Variants in EXOC6B observed in about 807,000 individuals in gnomAD.
EXOC6B encodes the protein exocyst complex component 6B, also known as SEC15 homolog B.
A neutral mutation model predicts 113.5 loss-of-function variants in EXOC6B; 54 were observed. That is an observed-to-expected ratio of 0.48 (90% CI 0.38 to 0.60). The LOEUF is 0.60. EXOC6B is among the 20% of genes least tolerant of loss of function. The pLI, the probability that EXOC6B is intolerant of heterozygous loss-of-function variation, is 0.00. For missense variants in EXOC6B, 797 were observed against 977.5 expected, an observed-to-expected ratio of 0.82 and a Z score of 2.46; for synonymous variants, 357 against 339.0, an observed-to-expected ratio of 1.05 and a Z score of -0.58.
Position 72,179,301 on chromosome 2 carries a change from C to A in EXOC6B, c.*34G>T. ...GGACCCCAGACTGACACAGAGGCTG[C>A]AGCAGGTCGCCTCTGTGGGTCCGGG... is the stretch of plus-strand genomic sequence containing the variant. On this transcript the variant is annotated 3_prime_UTR_variant, in exon 22 of 22. Transcript: ENST00000272427. The A allele has an allele frequency of 6.4e-7, 1 of 1,550,986 alleles. No homozygotes were observed. The highest frequency in any genetic ancestry group is 8.7e-7 in the Non-Finnish European group (1 of 1,147,854).
chr2:72,426,001 G>C (rs1421560219), intron 18 of EXOC6B, among the ~76,000 whole-genome samples: 1 of 152,026 alleles, frequency 6.6e-6, no homozygotes. Flanking sequence ...ACGTTTTCCT[G>C]GTATTTAGTA....
chr2:72,270,770 A>G (rs1684431356), intron 20 of EXOC6B, among the ~76,000 whole-genome samples: 1 of 151,996 alleles, frequency 6.6e-6, no homozygotes, highest in Admixed American at 6.6e-5. Flanking sequence ...TTTAATAATT[A>G]AATAATAATT....
rs576314359 is a variant in EXOC6B, at chr2:72,717,957, CAT to C, written c.669+144_669+145del. ...TTAAAAAAATGAAAACATTTTTAAT[CAT>C]ATGTTTCCATAAATATGAAGGACTT... On this transcript the variant is annotated intron_variant, in intron 6 of 21. Transcript: ENST00000272427. 5.1e-5 allele frequency: 29 copies of C among 569,480 alleles called. No individual in the cohort carries two copies. The East Asian group carries it at 8.2e-4, about 16-fold the overall frequency. 35.3% of individuals were successfully genotyped at this position (569,480 alleles called of 1,614,324 possible). A position where few individuals can be genotyped will look rare whatever the true frequency, so the allele number is the denominator to read the frequency against.
intron 20 of EXOC6B, among the ~76,000 whole-genome samples, chr2:72,216,802 CA>C (rs1680562825): frequency 6.6e-6 from 1 of 152,076 alleles, no homozygotes; most frequent in Non-Finnish European, 1.5e-5. Flanking sequence ...AACACAGGAA[CA>C]GAAAACCAAA....
At chr2:72,338,157 C>T (rs554521100) in intron 19 of EXOC6B, among the ~76,000 whole-genome samples, 7 of 152,288 alleles carry the variant, frequency 4.6e-5, no homozygotes, top group African/African-American at 1.7e-4. Context: ...TTTACTTAAC[C>T]TCTTTACACT....
chr2:72,700,451 C>G (rs545413535), intron 6 of EXOC6B, among the ~76,000 whole-genome samples: 1 of 152,224 alleles, frequency 6.6e-6, no homozygotes, highest in South Asian at 2.1e-4. Context: ...TGTTATTTGC[C>G]TCATTTTCTT....
chr2:72,772,777 G>A (rs956762051), intron 1 of EXOC6B, among the ~76,000 whole-genome samples: 3 of 152,162 alleles, frequency 2.0e-5, no homozygotes, highest in African/African-American at 7.2e-5. Context: ...CTGACTGGGT[G>A]ATGGGCTTTC....
intron 18 of EXOC6B, among the ~76,000 whole-genome samples, chr2:72,428,489 C>T (rs529940160): frequency 5.3e-5 from 8 of 152,198 alleles, no homozygotes; most frequent in Admixed American, 6.5e-5. Context: ...AGCTGCCTGC[C>T]GTGTGGCAGC....
At chr2:72,604,913 T>C (rs530188744) in intron 6 of EXOC6B, among the ~76,000 whole-genome samples, 19 of 152,250 alleles carry the variant, frequency 1.2e-4, no homozygotes, top group Admixed American at 7.8e-4. Context: ...CAATGGTACA[T>C]GTGTGTAAAA....
At chr2:72,299,957 G>A (rs1686401341) in intron 20 of EXOC6B, among the ~76,000 whole-genome samples, 1 of 152,166 alleles carries the variant, frequency 6.6e-6, no homozygotes, top group African/African-American at 2.4e-5. Context: ...GGTGTCTGTT[G>A]GCCCCTAGTG....
At chr2:72,554,445 T>C (rs1017392468) in intron 8 of EXOC6B, among the ~76,000 whole-genome samples, 1 of 152,202 alleles carries the variant, frequency 6.6e-6, no homozygotes, top group Admixed American at 6.5e-5. Context: ...ATGGGGGCAG[T>C]TTCCCCCATG....
intron 6 of EXOC6B, among the ~76,000 whole-genome samples, chr2:72,680,811 C>G (rs1297643562): frequency 6.6e-6 from 1 of 151,978 alleles, no homozygotes; most frequent in Non-Finnish European, 1.5e-5. Context: ...TTTATATAAC[C>G]CTTTTCCATC....
At position 72,286,552 on chromosome 2, in the gene EXOC6B, A is replaced by G. The variant is rs144751797; in HGVS notation, c.2196+48395T>C. On this transcript the variant is annotated intron_variant, in intron 20 of 21. Transcript: ENST00000272427. ...TTTTAGGGCATCAAAATTACTACGTATGATACTATAATGATGGATACTTGT... is the reference window on the plus strand; with the variant it reads ...TTTTAGGGCATCAAAATTACTACGTGTGATACTATAATGATGGATACTTGT... Among the ~76,000 whole-genome samples, 25 of 152,318 alleles carry G rather than the reference A, an allele frequency of 1.6e-4. 1 individual carries two copies. In the East Asian group the frequency reaches 4.0e-3, roughly 25 times the overall value.
chr2:72,537,614 C>T (rs913990225), intron 8 of EXOC6B, among the ~76,000 whole-genome samples: 1 of 152,042 alleles, frequency 6.6e-6, no homozygotes, highest in Non-Finnish European at 1.5e-5. Context: ...GCCTGGGCAA[C>T]AGAGTGAGAC....
At chr2:72,510,431 G>A (rs956196814) in intron 11 of EXOC6B, among the ~76,000 whole-genome samples, 1 of 151,114 alleles carries the variant, frequency 6.6e-6, no homozygotes, top group Non-Finnish European at 1.5e-5. Flanking sequence ...AGTATTTACT[G>A]CAATGCTTTT....
intron 19 of EXOC6B, among the ~76,000 whole-genome samples, chr2:72,368,559 A>C (rs1329157638): frequency 3.3e-5 from 5 of 152,032 alleles, no homozygotes; most frequent in South Asian, 4.2e-4. Flanking sequence ...GAGACACAAC[A>C]AAAAAAGAGA....
intron 6 of EXOC6B, among the ~76,000 whole-genome samples, chr2:72,612,277 A>G (rs958244817): frequency 5.3e-5 from 8 of 152,044 alleles, no homozygotes; most frequent in Non-Finnish European, 7.4e-5. Context: ...TCTGTCTCAA[A>G]AAAAAAAAGA....
rs1222894067 is a variant in EXOC6B, at chr2:72,320,156, T to C, written c.2196+14791A>G. Among the ~76,000 whole-genome samples the C allele has an allele frequency of 4.0e-5, 6 of 150,248 alleles. No homozygotes were observed. In the South Asian group the frequency reaches 1.2e-3, roughly 31 times the overall value. On this transcript the variant is annotated intron_variant, in intron 20 of 21. Coordinates refer to ENST00000272427, the MANE Select transcript of EXOC6B (RefSeq NM_015189.3). ...AGCCAAGCTTTTTTTTCTTAAGAAA[T>C]TGACAAATTGATTGTAAGATATATA...
At chr2:72,224,926 A>G (rs1681121278) in intron 20 of EXOC6B, among the ~76,000 whole-genome samples, 2 of 149,828 alleles carry the variant, frequency 1.3e-5, no homozygotes, top group South Asian at 2.1e-4. Context: ...ATATATGTGT[A>G]TATATATGTC....
Sources: gnomAD v4.1 joint callset for allele counts (sites outside exome capture counted in the v4.1 genomes callset) on GRCh38, gnomAD v4.1.1 for gene constraint, MANE v1.5 for transcripts, NCBI Gene and HGNC (gene_info 2026-07-23, HGNC 2026-07-21) for gene names.